The following RGS22 variants were observed in gnomAD, a reference collection of about 807,000 sequenced individuals.
The protein encoded by RGS22 is regulator of G-protein signaling 22.
RGS22 carries 148 observed loss-of-function variants against 172.9 expected under a neutral mutation model. The observed-to-expected ratio is 0.86, with a 90% CI of 0.75 to 0.98. RGS22 has a LOEUF of 0.98. Among genes scored for constraint, RGS22 ranks in the 50% least tolerant of loss-of-function variants. The pLI, the probability that RGS22 is intolerant of heterozygous loss-of-function variation, is 0.00. For synonymous variants in RGS22, 458 were observed against 480.2 expected (o/e 0.95, Z 0.60); for missense variants, 1,347 against 1,440.8 (o/e 0.93, Z 1.05).
chr8:100,054,821 A>AT (rs1822074312), intron 9 of RGS22, among the ~76,000 whole-genome samples: 1 of 152,202 alleles, frequency 6.6e-6, no homozygotes, highest in Non-Finnish European at 1.5e-5. Flanking sequence ...GTAAGGGGGC[A>AT]TATCTATAGA....
At chr8:100,057,520 G>A (rs1809740371) in intron 9 of RGS22, among the ~76,000 whole-genome samples, 2 of 152,154 alleles carry the variant, frequency 1.3e-5, no homozygotes, top group East Asian at 1.9e-4. Context: ...CCCAGTGGGA[G>A]GTAATGGAAT....
rs1241565387 is a variant in RGS22, at chr8:100,051,728, TAC to T, written c.1689+1072_1689+1073del. On this transcript the variant is annotated intron_variant, in intron 10 of 27. Transcript: ENST00000360863. Reference sequence around the variant, plus strand: ...GTATATATAAATATATATTTATATATACGTATATATAAATATATATTTATATA... The same window carrying T: ...GTATATATAAATATATATTTATATATGTATATATAAATATATATTTATATA... Among the ~76,000 whole-genome samples the T allele has an allele frequency of 1.4e-4, 10 of 73,824 alleles. 1 individual carries two copies. Among genetic ancestry groups the T allele is most frequent in the African/African-American group, 5.7e-4 (9 of 15,726 alleles). 48.4% of individuals were successfully genotyped at this position (73,824 alleles called of 152,430 possible).
chr8:100,094,364 G>A (rs1187497143), intron 2 of RGS22, among the ~76,000 whole-genome samples: 1 of 151,904 alleles, frequency 6.6e-6, no homozygotes, highest in Non-Finnish European at 1.5e-5. Flanking sequence ...TTTCCATATG[G>A]CTGATTACTT....
At chr8:99,982,247 A>C in intron 21 of RGS22, 131 bp from the exon 22 acceptor site, 6 of 663,580 alleles carry the variant, frequency 9.0e-6, no homozygotes, top group Non-Finnish European at 1.4e-5. Context: ...GGGATATTTC[A>C]AGGCTGTCTT....
chr8:99,967,291 G>A (rs540521141), intron 23 of RGS22, among the ~76,000 whole-genome samples: 26 of 152,022 alleles, frequency 1.7e-4, no homozygotes, highest in African/African-American at 5.1e-4. Flanking sequence ...GCACAAAACT[G>A]GGCAGCTGTT....
chr8:100,062,119 G>C (rs957723143), intron 9 of RGS22, among the ~76,000 whole-genome samples: 1 of 152,030 alleles, frequency 6.6e-6, no homozygotes, highest in Admixed American at 6.6e-5. Context: ...GATACACAGA[G>C]GGGAACAACA....
chr8:100,006,618 A>T (rs1394746494), intron 15 of RGS22, among the ~76,000 whole-genome samples: 1 of 152,234 alleles, frequency 6.6e-6, no homozygotes, highest in African/African-American at 2.4e-5. Context: ...TATAGTCAGG[A>T]GAACAAGACC....
intron 3 of RGS22, 63 bp downstream of exon 3, chr8:100,093,384 C>T: frequency 2.1e-6 from 2 of 939,006 alleles, no homozygotes; most frequent in Non-Finnish European, 1.6e-6. Flanking sequence ...CACAAGATAA[C>T]CCAGTGATTA....
At chr8:100,031,776 C>T (rs1818841064) in intron 14 of RGS22, among the ~76,000 whole-genome samples, 1 of 152,030 alleles carries the variant, frequency 6.6e-6, no homozygotes, top group Non-Finnish European at 1.5e-5. Context: ...GTAGTGCTCT[C>T]TCACTGAAGC....
Position 100,096,034 on chromosome 8 carries a change from A to G in RGS22, c.55-2525T>C, listed in dbSNP as rs1243656348. Among the ~76,000 whole-genome samples, 11 of 152,290 alleles carry G rather than the reference A, an allele frequency of 7.2e-5. No homozygotes were observed. In the South Asian group the frequency reaches 1.9e-3, roughly 26 times the overall value. The stretch of plus-strand genomic sequence containing the variant: ...TTTTCCCACTGCAGTTTCTAGTTCA[A>G]TGTGTTCAAAATATCTTGTCACATC... On this transcript the variant is annotated intron_variant, in intron 2 of 27. Coordinates refer to ENST00000360863, the MANE Select transcript of RGS22 (RefSeq NM_015668.5).
intron 3 of RGS22, among the ~76,000 whole-genome samples, chr8:100,084,727 A>C (rs961439514): frequency 6.6e-6 from 1 of 152,224 alleles, no homozygotes; most frequent in African/African-American, 2.4e-5. Flanking sequence ...AGCTTCTCTC[A>C]GTAATTCATT....
At chr8:100,097,680 A>C (rs1475029629) in intron 2 of RGS22, among the ~76,000 whole-genome samples, 1 of 152,214 alleles carries the variant, frequency 6.6e-6, no homozygotes, top group Admixed American at 6.5e-5. Flanking sequence ...TCAGATTCTC[A>C]AATCAGCATC....
chr8:100,089,266 T>A (rs1812389269), intron 3 of RGS22, among the ~76,000 whole-genome samples: 2 of 151,836 alleles, frequency 1.3e-5, no homozygotes, highest in Non-Finnish European at 2.9e-5. Context: ...TTCTAACCTC[T>A]ACTTGAATAC....
chr8:99,964,506 GCCTGATATCTCTAACTGGAC>G (rs1810526511), intron 24 of RGS22, among the ~76,000 whole-genome samples: 1 of 146,064 alleles, frequency 6.8e-6, no homozygotes, highest in African/African-American at 2.5e-5. Flanking sequence ...AAAAGCAGCA[GCCTGATATCTCTAACTGGAC>G]CCTGATATCT....
Position 100,039,995 on chromosome 8 carries a change from G to A in RGS22, c.2031C>T (p.Phe677=). The A allele has an allele frequency of 3.1e-6, 5 of 1,595,488 alleles. No individual in the cohort carries two copies. Among genetic ancestry groups the A allele is most frequent in the Non-Finnish European group, 4.3e-6 (5 of 1,171,266 alleles). ...SLYVENRAGF[F]FTKFCEHSGN... The stretch of plus-strand genomic sequence containing the variant: ...CTGAATGCTCGCAGAATTTAGTAAA[G>A]AAGAATCCAGCTCTATTTTCTACAT... Residue 677 remains phenylalanine (F), a synonymous_variant, in exon 13 of 28, where the codon TTC becomes TTT. Coordinates refer to ENST00000360863, the MANE Select transcript of RGS22 (RefSeq NM_015668.5).
intron 14 of RGS22, among the ~76,000 whole-genome samples, chr8:100,017,684 T>C (rs1817153768): frequency 6.6e-6 from 1 of 152,170 alleles, no homozygotes; most frequent in African/African-American, 2.4e-5. Flanking sequence ...CTTAAAATCT[T>C]TATAAAGATG....
intron 3 of RGS22, among the ~76,000 whole-genome samples, chr8:100,092,562 G>T (rs1812664743): frequency 2.0e-5 from 3 of 152,142 alleles, no homozygotes; most frequent in South Asian, 4.1e-4. Flanking sequence ...TAAAAGTGAG[G>T]TCAGCGCCCC....
intron 2 of RGS22, among the ~76,000 whole-genome samples, chr8:100,104,362 A>G (rs77824338): frequency 1.2e-3 from 93 of 79,426 alleles, no homozygotes; most frequent in African/African-American, 1.9e-3. Flanking sequence ...GTGTGTGTGT[A>G]TTTTTTTTTT....
At position 100,045,271 on chromosome 8, in the gene RGS22, G is replaced by GA. The variant is rs78907558; in HGVS notation, c.1823+2191dup. Among the ~76,000 whole-genome samples, 49 of 145,758 alleles carry GA rather than the reference G, an allele frequency of 3.4e-4. 1 individual carries two copies. The highest frequency in any genetic ancestry group is 9.6e-4 in the African/African-American group (38 of 39,758). On this transcript the variant is annotated intron_variant, in intron 11 of 27. Coordinates refer to ENST00000360863, the MANE Select transcript of RGS22 (RefSeq NM_015668.5). ...TGAGACACTCAAAAAAAACAAAAAA[G>GA]AAAAAAAAAAGACTACCTTAGGCTC...
Sources: allele counts gnomAD v4.1 joint callset (sites outside exome capture counted in the v4.1 genomes callset), GRCh38; gene constraint gnomAD v4.1.1; transcripts MANE v1.5; gene names NCBI Gene and HGNC (gene_info 2026-07-23, HGNC 2026-07-21).